SPIDR: variants seen among roughly 807,000 people sequenced by gnomAD.
SPIDR encodes DNA repair-scaffolding protein.
Under a neutral mutation model 104.6 loss-of-function variants are expected in SPIDR, and 93 were observed. The observed-to-expected ratio is 0.89, with a 90% confidence interval of 0.75 to 1.06. The LOEUF is 1.06. Ranked by LOEUF, SPIDR falls within the 50% of genes least tolerant of loss-of-function variation. The probability of loss-of-function intolerance (pLI) is 0.00; values close to 1 mark genes in which losing one functional copy is unlikely to be tolerated. For synonymous variants in SPIDR, 431 were observed against 416.9 expected, an observed-to-expected ratio of 1.03 and a Z score of -0.41; for missense variants, 1,154 against 1,111.2, an observed-to-expected ratio of 1.04 and a Z score of -0.55.
chr8:47,669,570 A>T (rs931281601), intron 10 of SPIDR, among the ~76,000 whole-genome samples: 2 of 152,254 alleles, frequency 1.3e-5, no homozygotes, highest in Non-Finnish European at 2.9e-5. Context: ...AGACAAAGGA[A>T]AACGTCAGGG....
intron 10 of SPIDR, among the ~76,000 whole-genome samples, chr8:47,624,656 C>T (rs200302281): frequency 6.6e-6 from 1 of 152,200 alleles, no homozygotes; most frequent in African/African-American, 2.4e-5. Flanking sequence ...ATACATTCCT[C>T]GACACATACA....
intron 5 of SPIDR, among the ~76,000 whole-genome samples, chr8:47,342,066 T>G (rs2154275773): frequency 6.6e-6 from 1 of 152,336 alleles, no homozygotes; most frequent in Non-Finnish European, 1.5e-5. Flanking sequence ...ATTGTGTATT[T>G]AAGGAAACTG....
intron 10 of SPIDR, among the ~76,000 whole-genome samples, chr8:47,625,925 G>A (rs2066010800): frequency 1.3e-5 from 2 of 152,164 alleles, no homozygotes; most frequent in Admixed American, 6.5e-5. Context: ...AGCCCGCATT[G>A]CCAAGTCAGT....
chr8:47,297,628 C>T (rs1030346061), intron 5 of SPIDR, among the ~76,000 whole-genome samples: 3 of 152,172 alleles, frequency 2.0e-5, no homozygotes, highest in South Asian at 4.2e-4. Context: ...CCACGACAGG[C>T]GCCGGTGTGT....
intron 3 of SPIDR, among the ~76,000 whole-genome samples, chr8:47,284,503 A>G (rs1226563027): frequency 1.3e-5 from 2 of 152,232 alleles, no homozygotes; most frequent in Non-Finnish European, 2.9e-5. Context: ...TTCTTGATGA[A>G]TTAGGGAACT....
intron 8 of SPIDR, among the ~76,000 whole-genome samples, chr8:47,456,267 C>T (rs1476186994): frequency 5.3e-5 from 8 of 151,970 alleles, no homozygotes; most frequent in South Asian, 2.1e-4. Context: ...GATGTATGCA[C>T]CTAGAGAAAG....
intron 8 of SPIDR, among the ~76,000 whole-genome samples, chr8:47,545,119 CTTTT>C (rs1201682766): frequency 8.8e-4 from 21 of 23,938 alleles, no homozygotes; most frequent in African/African-American, 1.8e-3. Flanking sequence ...TTCTTTCTTT[CTTTT>C]TTTTTTTTTT....
intron 14 of SPIDR, among the ~76,000 whole-genome samples, chr8:47,710,470 C>CT (rs879756213): frequency 0.012 from 1,755 of 142,880 alleles, 19 homozygotes; most frequent in African/African-American, 0.033. Flanking sequence ...AAATATTCAC[C>CT]TTTTTTTTTT....
intron 17 of SPIDR, among the ~76,000 whole-genome samples, chr8:47,727,806 C>T (rs936188093): frequency 6.6e-6 from 1 of 152,166 alleles, no homozygotes; most frequent in Non-Finnish European, 1.5e-5. Flanking sequence ...GGGACAGGCT[C>T]ATTACTTTTC....
intron 7 of SPIDR, among the ~76,000 whole-genome samples, chr8:47,420,385 C>A (rs921362435): frequency 3.3e-5 from 5 of 152,020 alleles, no homozygotes; most frequent in African/African-American, 7.2e-5. Flanking sequence ...TTCTTTGTCT[C>A]TTTTGATCTT....
intron 8 of SPIDR, among the ~76,000 whole-genome samples, chr8:47,561,273 A>G (rs952438195): frequency 6.6e-6 from 1 of 152,224 alleles, no homozygotes; most frequent in Non-Finnish European, 1.5e-5. Context: ...GTATTTCTCA[A>G]TTAGAGTATT....
intron 8 of SPIDR, among the ~76,000 whole-genome samples, chr8:47,509,269 T>C (rs545265739): frequency 3.3e-5 from 5 of 152,330 alleles, no homozygotes; most frequent in Admixed American, 3.3e-4. Context: ...CTTGTAGAAA[T>C]CCGGAAGCCC....
chr8:47,686,792 T>A (rs555160693), intron 11 of SPIDR, among the ~76,000 whole-genome samples: 141 of 152,348 alleles, frequency 9.3e-4, no homozygotes, highest in African/African-American at 3.3e-3. Context: ...TTGTCAGTGA[T>A]GTTGATATTA....
chr8:47,552,742 A>G (rs577162388), intron 8 of SPIDR, among the ~76,000 whole-genome samples: 2 of 152,222 alleles, frequency 1.3e-5, no homozygotes, highest in South Asian at 2.1e-4. Flanking sequence ...TTTTAATTGG[A>G]GCATTTAGCC....
chr8:47,564,072 C>CTTTTTTTTTTTTTTTTTT (rs869220760), intron 8 of SPIDR, among the ~76,000 whole-genome samples: 2 of 76,836 alleles, frequency 2.6e-5, no homozygotes, highest in Admixed American at 2.1e-4. Context: ...TTTTTCTTTT[C>CTTTTTTTTTTTTTTTTTT]TTTTTTTTTT....
At chr8:47,301,076 G>T (rs2041999102) in intron 5 of SPIDR, among the ~76,000 whole-genome samples, 2 of 152,156 alleles carry the variant, frequency 1.3e-5, no homozygotes, top group African/African-American at 4.8e-5. Context: ...TATTGTGTGG[G>T]AGTCTAAGTA....
intron 5 of SPIDR, among the ~76,000 whole-genome samples, chr8:47,375,472 C>A (rs1554641831): frequency 6.6e-6 from 1 of 151,434 alleles, no homozygotes; most frequent in Admixed American, 6.6e-5. Flanking sequence ...GAACTCCTGA[C>A]CTCATGATCT....
chr8:47,569,367 A>G (rs1000180401), intron 8 of SPIDR, among the ~76,000 whole-genome samples: 7 of 152,224 alleles, frequency 4.6e-5, no homozygotes, highest in African/African-American at 1.7e-4. Context: ...ACAACTAGAA[A>G]GAAGATCAGT....
chr8:47,552,323 C>T (rs2090636267), intron 8 of SPIDR, among the ~76,000 whole-genome samples: 1 of 152,090 alleles, frequency 6.6e-6, no homozygotes, highest in Non-Finnish European at 1.5e-5. Context: ...ACCTGGATAT[C>T]CTTGTTTACT....
Sources: allele counts gnomAD v4.1 joint callset (sites outside exome capture counted in the v4.1 genomes callset), GRCh38; gene constraint gnomAD v4.1.1; transcripts MANE v1.5; gene names NCBI Gene and HGNC (gene_info 2026-07-23, HGNC 2026-07-21).